GAS7: variants seen among roughly 807,000 people sequenced by gnomAD.
The protein encoded by GAS7 is growth arrest-specific protein 7.
A neutral mutation model predicts 71.1 loss-of-function variants in GAS7; 28 were observed. The observed-to-expected ratio is 0.39, with a 90% CI of 0.29 to 0.54. The LOEUF is 0.54. GAS7 is among the 20% of genes least tolerant of loss of function. GAS7 has a pLI of 0.62. For missense variants in GAS7, 436 were observed against 627.8 expected, an observed-to-expected ratio of 0.69 and a Z score of 3.27; for synonymous variants, 258 against 245.8, an observed-to-expected ratio of 1.05 and a Z score of -0.46.
chr17:10,095,491 T>G (rs1225768025), intron 1 of GAS7, among the ~76,000 whole-genome samples: 1 of 152,124 alleles, frequency 6.6e-6, no homozygotes, highest in Non-Finnish European at 1.5e-5. Flanking sequence ...GACAATAAAA[T>G]TCATCCTTTG....
intron 1 of GAS7, among the ~76,000 whole-genome samples, chr17:10,196,386 C>G (rs1340704195): frequency 2.6e-5 from 4 of 152,176 alleles, no homozygotes; most frequent in African/African-American, 9.7e-5. Context: ...ACACACTGTG[C>G]CAAGCAGGTG....
At chr17:10,117,479 G>C (rs1320517944) in intron 1 of GAS7, among the ~76,000 whole-genome samples, 3 of 152,174 alleles carry the variant, frequency 2.0e-5, no homozygotes, top group Admixed American at 6.5e-5. Context: ...GCCCTGATGA[G>C]GAAGCATGCC....
intron 1 of GAS7, among the ~76,000 whole-genome samples, chr17:10,084,195 C>T (rs2073489439): frequency 6.6e-6 from 1 of 152,064 alleles, no homozygotes; most frequent in South Asian, 2.1e-4. Flanking sequence ...TATAAACAGA[C>T]TTTAAAAATA....
intron 7 of GAS7, among the ~76,000 whole-genome samples, chr17:9,940,758 A>C (rs2068574764): frequency 6.6e-6 from 1 of 152,164 alleles, no homozygotes; most frequent in Admixed American, 6.5e-5. Flanking sequence ...GGTAGATTCT[A>C]TTTCCCTGGA....
intron 10 of GAS7, among the ~76,000 whole-genome samples, chr17:9,925,836 C>T (rs1194252865): frequency 1.3e-5 from 2 of 152,156 alleles, no homozygotes; most frequent in Admixed American, 6.5e-5. Flanking sequence ...CTACCTCAAT[C>T]TCTCAAACCA....
At chr17:9,963,079 G>A (rs755455563) in intron 4 of GAS7, among the ~76,000 whole-genome samples, 1 of 151,766 alleles carries the variant, frequency 6.6e-6, no homozygotes, top group Non-Finnish European at 1.5e-5. Flanking sequence ...GGGATTGAGT[G>A]TAGAGGCAAC....
chr17:9,928,918 C>T (rs939096428), intron 9 of GAS7, among the ~76,000 whole-genome samples: 3 of 152,138 alleles, frequency 2.0e-5, no homozygotes, highest in African/African-American at 7.2e-5. Context: ...GCTGGATGAC[C>T]GTCACAGACT....
intron 2 of GAS7, among the ~76,000 whole-genome samples, chr17:9,999,299 C>G (rs148352921): frequency 7.7e-4 from 118 of 152,266 alleles, no homozygotes; most frequent in Non-Finnish European, 1.1e-3. Flanking sequence ...AGGTGGAACA[C>G]TTGAGGTCAG....
intron 1 of GAS7, among the ~76,000 whole-genome samples, chr17:10,114,878 G>A (rs1426214341): frequency 1.3e-5 from 2 of 152,154 alleles, no homozygotes; most frequent in Admixed American, 1.3e-4. Context: ...TCCAAGATGC[G>A]TGTCCTTCAC....
intron 1 of GAS7, among the ~76,000 whole-genome samples, chr17:10,163,895 T>C (rs1170729648): frequency 6.6e-6 from 1 of 152,174 alleles, no homozygotes; most frequent in Non-Finnish European, 1.5e-5. Flanking sequence ...GGAGTGAGGA[T>C]TACATTAGAG....
chr17:10,132,707 GC>G (rs2074006600), intron 1 of GAS7, among the ~76,000 whole-genome samples: 1 of 152,018 alleles, frequency 6.6e-6, no homozygotes, highest in African/African-American at 2.4e-5. Context: ...GGCGGAGGGT[GC>G]AGTGAGCCAA....
chr17:10,029,865 T>C (rs779937659), intron 1 of GAS7, among the ~76,000 whole-genome samples: 39 of 151,048 alleles, frequency 2.6e-4, no homozygotes, highest in Non-Finnish European at 4.9e-4. Flanking sequence ...AAAAAAACAA[T>C]AATAATAATA....
intron 2 of GAS7, among the ~76,000 whole-genome samples, chr17:10,012,149 C>T (rs983803056): frequency 3.3e-5 from 5 of 152,180 alleles, no homozygotes; most frequent in African/African-American, 4.8e-5. Flanking sequence ...ATACTGGCTT[C>T]AAATATCCCT....
At chr17:9,954,678 C>G (rs541878938) in intron 5 of GAS7, among the ~76,000 whole-genome samples, 1 of 152,064 alleles carries the variant, frequency 6.6e-6, no homozygotes, top group South Asian at 2.1e-4. Context: ...TGTGTGGGGT[C>G]GAGGGTGGAT....
chr17:10,136,039 C>A (rs1207209634), intron 1 of GAS7, among the ~76,000 whole-genome samples: 1 of 152,182 alleles, frequency 6.6e-6, no homozygotes, highest in Non-Finnish European at 1.5e-5. Flanking sequence ...ACACCAAGGA[C>A]CGTCTGAAGG....
In GAS7 at chr17:9,914,928, A is replaced by G. The variant is rs2067541894; in HGVS notation, c.*2300T>C. The G allele has an allele frequency of 8.6e-6, 2 of 232,524 alleles. No individual in the cohort carries two copies. The highest frequency in any genetic ancestry group is 1.2e-4 in the East Asian group (2 of 16,506). 14.4% of individuals were successfully genotyped at this position (232,524 alleles called of 1,614,324 possible). On this transcript the variant is annotated 3_prime_UTR_variant, in exon 14 of 14. Transcript: ENST00000432992. ...CTATGTATCAATGCCAAGGTTGCTG[A>G]CCGGTAAGACCCCTGAAAACGAGCG... is the stretch of plus-strand genomic sequence containing the variant.
rs115612367 is a variant in GAS7, at chr17:10,056,313, A to C, written c.184-36416T>G. 4.3e-3 allele frequency among the ~76,000 whole-genome samples: 654 copies of C among 151,968 alleles called. 5 individuals are homozygous for C. Among genetic ancestry groups the C allele is most frequent in the African/African-American group, 0.015 (619 of 41,440 alleles). ...AGTTCGAAACCAGCCTGGGCAACAAAGTGACAGCCTGTCTCTACAAAAACT... is the reference window on the plus strand; with the variant it reads ...AGTTCGAAACCAGCCTGGGCAACAACGTGACAGCCTGTCTCTACAAAAACT... On this transcript the variant is annotated intron_variant, in intron 1 of 13. Transcript: ENST00000432992.
intron 2 of GAS7, among the ~76,000 whole-genome samples, chr17:9,983,448 G>A (rs1315328354): frequency 2.6e-5 from 4 of 152,112 alleles, no homozygotes; most frequent in South Asian, 2.1e-4. Context: ...CCATGATGGC[G>A]CCACTACACT....
rs2073726321 is a variant in GAS7 at position 10,103,463 on chromosome 17, T to C, written c.184-83566A>G. Among the ~76,000 whole-genome samples, 2 of 152,124 alleles carry C rather than the reference T, an allele frequency of 1.3e-5. No homozygotes were observed. Among genetic ancestry groups the C allele is most frequent in the African/African-American group, 4.8e-5 (2 of 41,442 alleles). ...AGCTGCCCAGTGAGACTGTTTTCCA[T>C]TTTCCAAAACAACGATTTCATTTCT... On this transcript the variant is annotated intron_variant, in intron 1 of 13. Coordinates refer to ENST00000432992, the MANE Select transcript of GAS7 (RefSeq NM_201433.2). The surrounding 1 kb of genome is among the most constrained non-coding windows in gnomAD (Gnocchi z 5.5).
Sources: gnomAD v4.1 joint callset for allele counts (sites outside exome capture counted in the v4.1 genomes callset) on GRCh38, gnomAD v4.1.1 for gene constraint, Gnocchi (gnomAD v3.1) non-coding constraint, MANE v1.5 for transcripts, NCBI Gene and HGNC (gene_info 2026-07-23, HGNC 2026-07-21) for gene names.